Variants in TOR1AIP2 observed in about 807,000 individuals in gnomAD.
TOR1AIP2 encodes torsin 1A interacting protein 2, also known as torsin-1A-interacting protein 2.
TOR1AIP2 carries 20 observed loss-of-function variants against 32.6 expected under a neutral mutation model. That is an observed-to-expected ratio of 0.61 (90% CI 0.43 to 0.89). The LOEUF (loss-of-function observed/expected upper bound fraction) is 0.89. Among genes scored for constraint, TOR1AIP2 ranks in the 40% least tolerant of loss-of-function variants. The pLI, the probability that TOR1AIP2 is intolerant of heterozygous loss-of-function variation, is 0.00. For synonymous variants in TOR1AIP2, 214 were observed against 210.8 expected, an observed-to-expected ratio of 1.02 and a Z score of -0.13; for missense variants, 456 against 553.8, an observed-to-expected ratio of 0.82 and a Z score of 1.77.
rs1695837976 is a variant in TOR1AIP2 at position 179,844,719 on chromosome 1, T to C, written c.*1352A>G. 6.6e-6 allele frequency: 1 copy of C among 152,216 alleles called. No homozygotes were observed. The highest frequency in any genetic ancestry group is 1.5e-5 in the Non-Finnish European group (1 of 68,028). 9.4% of individuals were successfully genotyped at this position (152,216 alleles called of 1,614,324 possible). On this transcript the variant is annotated 3_prime_UTR_variant, in exon 7 of 7. Coordinates refer to ENST00000609928, the MANE Select transcript of TOR1AIP2 (RefSeq NM_001199260.2). ...AAGTATAACATCTCTTAGATTTCTC[T>C]AATTTTTAACCTAATGGTACTTCTA...
intron 3 of TOR1AIP2, chr1:179,860,280 C>T (rs542870233): frequency 8.5e-5 from 75 of 882,680 alleles, no homozygotes; most frequent in South Asian, 4.7e-4. Flanking sequence ...GCCAGGAGCT[C>T]AAGACCAGCT....
chr1:179,860,018 A>G (rs1356125289), intron 3 of TOR1AIP2: 10 of 723,460 alleles, frequency 1.4e-5, no homozygotes, highest in Non-Finnish European at 1.7e-5. Context: ...TTTCTTTTTA[A>G]AACTTTTTTG....
In TOR1AIP2 at chr1:179,846,232, C is replaced by CT. The variant is rs1695898066; in HGVS notation, c.1251dup (p.Val418SerfsTer13). The CT allele has an allele frequency of 6.2e-7, 1 of 1,614,188 alleles. No homozygotes were observed. Among genetic ancestry groups the CT allele is most frequent in the Non-Finnish European group, 8.5e-7 (1 of 1,180,042 alleles). On this transcript the variant is annotated frameshift_variant, in exon 7 of 7. Coordinates refer to ENST00000609928, the MANE Select transcript of TOR1AIP2 (RefSeq NM_001199260.2). LOFTEE classifies it high-confidence loss of function. ...AACTTGGCCCAGAGTAAGTCTCTCA[C>CT]TTTTTCTTCCGTTTCCCTTGGGCCT...
intron 3 of TOR1AIP2, chr1:179,861,052 T>G (rs1696511285): frequency 1.0e-6 from 1 of 985,460 alleles, no homozygotes; most frequent in African/African-American, 1.7e-5. Flanking sequence ...TGCCCTTGCA[T>G]GTTTCCATTA....
intron 3 of TOR1AIP2, chr1:179,861,289 A>C: frequency 6.1e-6 from 6 of 984,710 alleles, no homozygotes; most frequent in Non-Finnish European, 7.2e-6. Flanking sequence ...TTCATTATTC[A>C]TATCAACTAT....
intron 3 of TOR1AIP2, among the ~76,000 whole-genome samples, chr1:179,855,807 C>G (rs1372278851): frequency 6.6e-6 from 1 of 152,118 alleles, no homozygotes; most frequent in Non-Finnish European, 1.5e-5. Flanking sequence ...AAAAAATTGT[C>G]ATATTCTTAC....
chr1:179,852,236 C>T (rs551369301), intron 4 of TOR1AIP2, among the ~76,000 whole-genome samples: 28 of 149,914 alleles, frequency 1.9e-4, no homozygotes, highest in Admixed American at 5.3e-4. Context: ...GCTGAGATCA[C>T]GCCACTGCAC....
At chr1:179,861,371 C>A in intron 3 of TOR1AIP2, 1 of 985,362 alleles carries the variant, frequency 1.0e-6, no homozygotes, top group Non-Finnish European at 1.2e-6. Flanking sequence ...AGGTGAAAAG[C>A]TTTGTTCAAA....
At chr1:179,864,623 A>T (rs1394725734) in intron 3 of TOR1AIP2, 4 of 1,404,552 alleles carry the variant, frequency 2.8e-6, no homozygotes, top group East Asian at 5.0e-5. Flanking sequence ...ATTCATGTGA[A>T]TAAAATATGT....
At chr1:179,873,261 A>G (rs532945687) in intron 2 of TOR1AIP2, among the ~76,000 whole-genome samples, 1 of 152,316 alleles carries the variant, frequency 6.6e-6, no homozygotes, top group Admixed American at 6.5e-5. Context: ...TCCTGGGCTC[A>G]AGCGATCCTC....
chr1:179,858,186 T>C (rs377010834), intron 3 of TOR1AIP2, among the ~76,000 whole-genome samples: 1 of 152,072 alleles, frequency 6.6e-6, no homozygotes, highest in South Asian at 2.1e-4. Flanking sequence ...TACATACATA[T>C]ATATGTTTGT....
rs1695783388 is a variant in TOR1AIP2, at chr1:179,843,278, G to A, written c.*2793C>T. 1 of 151,926 alleles carries A rather than the reference G, an allele frequency of 6.6e-6. No individual in the cohort carries two copies. The highest frequency in any genetic ancestry group is 1.5e-5 in the Non-Finnish European group (1 of 67,960). 9.4% of individuals were successfully genotyped at this position (151,926 alleles called of 1,614,324 possible). ...CCTAGCACTTTGAAAGACCAAGGCA[G>A]GCGGATCAATTGAGGCCAGGAGTTC... On this transcript the variant is annotated 3_prime_UTR_variant, in exon 7 of 7. Transcript: ENST00000609928.
rs1160316262 is a variant in TOR1AIP2 at position 179,845,024 on chromosome 1, G to A, written c.*1047C>T. 1 of 152,122 alleles carries A rather than the reference G, an allele frequency of 6.6e-6. No individual in the cohort carries two copies. The highest frequency in any genetic ancestry group is 1.5e-5 in the Non-Finnish European group (1 of 68,010). 9.4% of individuals were successfully genotyped at this position (152,122 alleles called of 1,614,324 possible). A position where few individuals can be genotyped will look rare whatever the true frequency, so the allele number is the denominator to read the frequency against. On this transcript the variant is annotated 3_prime_UTR_variant, in exon 7 of 7. Transcript: ENST00000609928. Reference sequence around the variant, plus strand: ...AAGCATCAGAGACATGCTAGTAAATGCTAGCTTATACATTCTGCTGTTCAT... The same window carrying A: ...AAGCATCAGAGACATGCTAGTAAATACTAGCTTATACATTCTGCTGTTCAT...
chr1:179,859,912 C>T, intron 3 of TOR1AIP2: 1 of 863,462 alleles, frequency 1.2e-6, no homozygotes, highest in Non-Finnish European at 1.4e-6. Flanking sequence ...ACTGCAGCCT[C>T]AAGCTCATAG....
At chr1:179,860,856 G>A (rs1328455389) in intron 3 of TOR1AIP2, 1 of 985,314 alleles carries the variant, frequency 1.0e-6, no homozygotes, top group Non-Finnish European at 1.2e-6. Flanking sequence ...ACGGGCTGCG[G>A]CTCATCTCAC....
chr1:179,863,262 A>C, intron 3 of TOR1AIP2: 1 of 960,236 alleles, frequency 1.0e-6, no homozygotes, highest in Non-Finnish European at 1.2e-6. Flanking sequence ...TGATTTCTTC[A>C]ATGGAGGCAA....
At position 179,865,823 on chromosome 1, in the gene TOR1AIP2, T is replaced by C. The variant is rs1696749063; in HGVS notation, c.-534A>G. 6.5e-6 allele frequency: 1 copy of C among 152,702 alleles called. No individual in the cohort carries two copies. The highest frequency in any genetic ancestry group is 2.1e-4 in the South Asian group (1 of 4,838). 9.5% of individuals were successfully genotyped at this position (152,702 alleles called of 1,614,324 possible). A position where few individuals can be genotyped will look rare whatever the true frequency, so the allele number is the denominator to read the frequency against. On this transcript the variant is annotated 5_prime_UTR_variant, in exon 3 of 7. Transcript: ENST00000609928. The stretch of plus-strand genomic sequence containing the variant: ...TTGCTGTGAAGAAGCTGATGCTCAG[T>C]TGGCTGAAGAGTCTGGGAATGCGTC...
rs1413531352 is a variant in TOR1AIP2, at chr1:179,840,230, T to C, written c.*5841A>G. On this transcript the variant is annotated 3_prime_UTR_variant, in exon 7 of 7. Coordinates refer to ENST00000609928, the MANE Select transcript of TOR1AIP2 (RefSeq NM_001199260.2). ...ATAGATTTAAATTTCCTGTGCTCTC[T>C]GATGAACCAGGAGCAACTGCCTGGA... 6.6e-6 allele frequency: 1 copy of C among 152,232 alleles called. No individual in the cohort carries two copies. The highest frequency in any genetic ancestry group is 2.4e-5 in the African/African-American group (1 of 41,454). The allele number at this position is 152,232 out of a possible 1,614,324, so 9.4% of individuals were successfully genotyped here.
intron 3 of TOR1AIP2, among the ~76,000 whole-genome samples, chr1:179,857,027 A>C (rs1696327578): frequency 6.6e-6 from 1 of 152,244 alleles, no homozygotes. Context: ...AGGAAAATGC[A>C]GTAGCTGGAG....
Sources: allele counts gnomAD v4.1 joint callset (sites outside exome capture counted in the v4.1 genomes callset), GRCh38; gene constraint gnomAD v4.1.1; transcripts MANE v1.5; gene names NCBI Gene and HGNC (gene_info 2026-07-23, HGNC 2026-07-21).